Variants in LRBA observed in about 807,000 individuals in gnomAD.
The protein encoded by LRBA is LPS responsive beige-like anchor protein.
A neutral mutation model predicts 330.0 loss-of-function variants in LRBA; 176 were observed. The observed-to-expected ratio is 0.53, with a 90% confidence interval of 0.47 to 0.60. The LOEUF is 0.60. LRBA is among the 20% of genes least tolerant of loss of function. The pLI, the probability that LRBA is intolerant of heterozygous loss-of-function variation, is 0.00. For synonymous variants in LRBA, 1,230 were observed against 1,193.0 expected, an observed-to-expected ratio of 1.03 and a Z score of -0.64; for missense variants, 3,259 against 3,444.8, an observed-to-expected ratio of 0.95 and a Z score of 1.35.
chr4:150,342,228 T>G lies in LRBA; in HGVS notation c.7362+7764A>C, dbSNP rs1353513486. On this transcript the variant is annotated intron_variant, in intron 48 of 56. Coordinates refer to ENST00000651943, the MANE Select transcript of LRBA (RefSeq NM_001364905.1). ...TTGTGTTTGAAAGAAAAGACATGAA[T>G]GAGCCAAATCAAAATCAGCAGAATA... 4.6e-5 allele frequency among the ~76,000 whole-genome samples: 7 copies of G among 152,194 alleles called. No homozygotes were observed. In the East Asian group the frequency reaches 1.4e-3, roughly 29 times the overall value.
intron 40 of LRBA, among the ~76,000 whole-genome samples, chr4:150,544,776 A>G (rs1376194431): frequency 6.6e-6 from 1 of 152,216 alleles, no homozygotes; most frequent in African/African-American, 2.4e-5. Flanking sequence ...GGGCTTACAT[A>G]TATCAAATTA....
chr4:150,622,331 A>G (rs1437957418), intron 37 of LRBA, among the ~76,000 whole-genome samples: 2 of 152,214 alleles, frequency 1.3e-5, no homozygotes, highest in Non-Finnish European at 2.9e-5. Context: ...TTGAGCCTAG[A>G]AGGTCAAGAC....
chr4:150,542,498 A>G (rs1561326139), intron 40 of LRBA, among the ~76,000 whole-genome samples: 1 of 152,210 alleles, frequency 6.6e-6, no homozygotes, highest in Non-Finnish European at 1.5e-5. Flanking sequence ...GCTAAATATT[A>G]GAAATTTGGG....
At chr4:150,571,930 C>T (rs1769921098) in intron 40 of LRBA, among the ~76,000 whole-genome samples, 1 of 151,350 alleles carries the variant, frequency 6.6e-6, no homozygotes, top group Non-Finnish European at 1.5e-5. Flanking sequence ...ACCCAAACTC[C>T]CACTTCTAGT....
chr4:150,377,158 A>C (rs1581152270), intron 47 of LRBA, among the ~76,000 whole-genome samples: 3 of 151,222 alleles, frequency 2.0e-5, no homozygotes, highest in Admixed American at 1.3e-4. Flanking sequence ...AAAAAAAAAG[A>C]AGCTCTTAGT....
intron 36 of LRBA, among the ~76,000 whole-genome samples, chr4:150,731,126 A>G (rs1044611216): frequency 6.6e-6 from 1 of 152,210 alleles, no homozygotes; most frequent in Non-Finnish European, 1.5e-5. Context: ...GCTTGTATCC[A>G]AAAGTCAGGT....
chr4:150,405,358 C>G (rs1746042901), intron 47 of LRBA, among the ~76,000 whole-genome samples: 1 of 152,096 alleles, frequency 6.6e-6, no homozygotes, highest in South Asian at 2.1e-4. Context: ...AATGTGTAAT[C>G]CATTTCATAA....
At chr4:150,398,532 A>T (rs925830555) in intron 47 of LRBA, among the ~76,000 whole-genome samples, 1 of 152,172 alleles carries the variant, frequency 6.6e-6, no homozygotes, top group Non-Finnish European at 1.5e-5. Flanking sequence ...TAATTAATGT[A>T]TTTCTTAAGT....
At chr4:150,633,896 C>T (rs1777627900) in intron 37 of LRBA, among the ~76,000 whole-genome samples, 1 of 152,176 alleles carries the variant, frequency 6.6e-6, no homozygotes. Context: ...GGGTGGATCA[C>T]CTGAGGTCAG....
At chr4:150,761,464 C>T (rs1436841206) in intron 35 of LRBA, among the ~76,000 whole-genome samples, 1 of 152,034 alleles carries the variant, frequency 6.6e-6, no homozygotes, top group African/African-American at 2.4e-5. Flanking sequence ...TGGCTCTACA[C>T]ACATAAAATA....
At chr4:150,557,673 T>C (rs1272705929) in intron 40 of LRBA, among the ~76,000 whole-genome samples, 3 of 152,146 alleles carry the variant, frequency 2.0e-5, no homozygotes, top group Non-Finnish European at 4.4e-5. Flanking sequence ...AATTTGGATT[T>C]GTCTGATGTT....
At chr4:150,625,988 G>A (rs909734144) in intron 37 of LRBA, among the ~76,000 whole-genome samples, 1 of 151,812 alleles carries the variant, frequency 6.6e-6, no homozygotes, top group Admixed American at 6.6e-5. Context: ...CACAGTCCTT[G>A]GCCGGATATA....
At chr4:150,876,098 A>G (rs1560949041) in intron 17 of LRBA, among the ~76,000 whole-genome samples, 3 of 152,250 alleles carry the variant, frequency 2.0e-5, no homozygotes, top group Non-Finnish European at 4.4e-5. Context: ...TGAAAGTTTT[A>G]TCAGCAGACT....
intron 2 of LRBA, chr4:151,012,696 T>A (rs1025474118): frequency 6.6e-6 from 1 of 152,220 alleles, no homozygotes; most frequent in Admixed American, 6.5e-5. Context: ...ATATGCAGTT[T>A]TTTAAAATAT....
At chr4:150,565,490 C>A (rs1769009190) in intron 40 of LRBA, among the ~76,000 whole-genome samples, 1 of 151,674 alleles carries the variant, frequency 6.6e-6, no homozygotes, top group South Asian at 2.1e-4. Flanking sequence ...GCATATGTAT[C>A]CTAGAACTAA....
At position 150,285,916 on chromosome 4, in the gene LRBA, A is replaced by G; in HGVS notation, c.8119+17T>C. The stretch of plus-strand genomic sequence containing the variant: ...AGCAAGAAATGCATCCATTTTGTGA[A>G]GGTACCACAGGTTTACCTTGTGAAC... On this transcript the variant is annotated intron_variant, in intron 54 of 56. Coordinates refer to ENST00000651943, the MANE Select transcript of LRBA (RefSeq NM_001364905.1). 5 of 1,471,046 alleles carry G rather than the reference A, an allele frequency of 3.4e-6. No individual in the cohort carries two copies. The highest frequency in any genetic ancestry group is 4.5e-6 in the Non-Finnish European group (5 of 1,103,608). 91.1% of individuals were successfully genotyped at this position (1,471,046 alleles called of 1,614,324 possible). A position where few individuals can be genotyped will look rare whatever the true frequency, so the allele number is the denominator to read the frequency against.
chr4:150,837,371 ATCTG>A (rs1248019585), intron 28 of LRBA, among the ~76,000 whole-genome samples: 1 of 152,028 alleles, frequency 6.6e-6, no homozygotes, highest in Non-Finnish European at 1.5e-5. Flanking sequence ...TGTCTCGTTG[ATCTG>A]TCTAATGTTG....
At chr4:150,298,757 G>GA (rs1218133698) in intron 53 of LRBA, among the ~76,000 whole-genome samples, 4 of 151,504 alleles carry the variant, frequency 2.6e-5, no homozygotes, top group Non-Finnish European at 4.4e-5. Flanking sequence ...ATGAGGAAAA[G>GA]AAAAAAAATG....
At chr4:150,679,027 TAA>T (rs1412983775) in intron 37 of LRBA, among the ~76,000 whole-genome samples, 1 of 152,194 alleles carries the variant, frequency 6.6e-6, no homozygotes, top group African/African-American at 2.4e-5. Flanking sequence ...AGGATTTTTT[TAA>T]AGATAGGACA....
Sources: allele counts gnomAD v4.1 joint callset (sites outside exome capture counted in the v4.1 genomes callset), GRCh38; gene constraint gnomAD v4.1.1; transcripts MANE v1.5; gene names NCBI Gene and HGNC (gene_info 2026-07-23, HGNC 2026-07-21).